UNC5D: variants seen among roughly 807,000 people sequenced by gnomAD.
The protein encoded by UNC5D is unc-5 netrin receptor D, also known as netrin receptor UNC5D.
UNC5D carries 39 observed loss-of-function variants against 105.4 expected under a neutral mutation model. The observed-to-expected ratio is 0.37, with a 90% CI of 0.29 to 0.48. The LOEUF (loss-of-function observed/expected upper bound fraction) is 0.48, where lower values mean the gene tolerates loss of function less well. UNC5D is among the 20% of genes least tolerant of loss of function. The pLI, the probability that UNC5D is intolerant of heterozygous loss-of-function variation, is 0.98. For missense variants in UNC5D, 991 were observed against 1,202.4 expected (o/e 0.82, Z 2.60); for synonymous variants, 452 against 450.4 (o/e 1.00, Z -0.04).
intron 1 of UNC5D, among the ~76,000 whole-genome samples, chr8:35,390,985 TG>T (rs1803734552): frequency 2.0e-5 from 3 of 152,232 alleles, no homozygotes; most frequent in Admixed American, 2.0e-4. Flanking sequence ...GGAGCTTTCT[TG>T]TTTTGTATGC....
At chr8:35,607,097 T>A (rs932028895) in intron 4 of UNC5D, among the ~76,000 whole-genome samples, 11 of 152,156 alleles carry the variant, frequency 7.2e-5, no homozygotes, top group African/African-American at 1.9e-4. Context: ...CTGAGGGTGC[T>A]TTTCAGCTGT....
intron 4 of UNC5D, among the ~76,000 whole-genome samples, chr8:35,679,036 C>G (rs1825475193): frequency 6.6e-6 from 1 of 151,956 alleles, no homozygotes; most frequent in South Asian, 2.1e-4. Context: ...ATTGCTTGAG[C>G]CCAGGAGTTC....
intron 1 of UNC5D, among the ~76,000 whole-genome samples, chr8:35,305,794 T>C (rs1487348570): frequency 6.7e-6 from 1 of 150,222 alleles, no homozygotes; most frequent in Non-Finnish European, 1.5e-5. Context: ...CTTTCTTTCT[T>C]TCTCTCTTTT....
intron 4 of UNC5D, among the ~76,000 whole-genome samples, chr8:35,662,644 A>G (rs954149039): frequency 2.6e-5 from 4 of 152,220 alleles, no homozygotes; most frequent in Admixed American, 6.5e-5. Context: ...ACATTTTTCC[A>G]TGAGCAAATC....
chr8:35,750,680 C>T lies in UNC5D; in HGVS notation c.2034C>T (p.Leu678=), dbSNP rs776606049. 13 of 1,614,140 alleles carry T rather than the reference C, an allele frequency of 8.1e-6. No homozygotes were observed. The South Asian group carries it at 1.2e-4, about 15-fold the overall frequency. ...TGGACAGCTTTGGGACCTATGCGCT[C>T]ACTGGAGAGCCAATCACAGACTGTG... The part of the protein sequence containing the change: ...VLLDSFGTYA[L]TGEPITDCAV... The change falls in exon 13 of 17, where the codon CTC becomes CTT. Residue 678 remains leucine (L), a synonymous_variant. Coordinates refer to ENST00000404895, the MANE Select transcript of UNC5D (RefSeq NM_080872.4).
intron 4 of UNC5D, among the ~76,000 whole-genome samples, chr8:35,615,041 C>G (rs868560169): frequency 0.014 from 1,662 of 122,436 alleles, 139 homozygotes; most frequent in African/African-American, 0.046. Context: ...GAGGGGCCCC[C>G]CCCCCCCCGT....
Position 35,519,178 on chromosome 8 carries a change from T to C in UNC5D, c.104-30114T>C, listed in dbSNP as rs188019625. ...CTCTTTTAGGTCATTTGTATAGTTC[T>C]AATCAATTCTTTTTCAGATTTATCT... On this transcript the variant is annotated intron_variant, in intron 1 of 16. Transcript: ENST00000404895. 1.8e-3 allele frequency among the ~76,000 whole-genome samples: 277 copies of C among 152,292 alleles called. 2 individuals are homozygous for C. Among genetic ancestry groups the C allele is most frequent in the Admixed American group, 5.5e-3 (84 of 15,294 alleles).
In UNC5D at chr8:35,240,234, A is replaced by T. The variant is rs7827104; in HGVS notation, c.103+4347A>T. Reference sequence around the variant, plus strand: ...CAAAGTGCTAGGATTACAGGTATGAACCACCACATCTGGCCTCACCCCTTT... The same window carrying T: ...CAAAGTGCTAGGATTACAGGTATGATCCACCACATCTGGCCTCACCCCTTT... On this transcript the variant is annotated intron_variant, in intron 1 of 16. Coordinates refer to ENST00000404895, the MANE Select transcript of UNC5D (RefSeq NM_080872.4). Among the ~76,000 whole-genome samples the T allele has an allele frequency of 7.0e-3, 1,067 of 152,218 alleles. 15 individuals carry two copies. Among genetic ancestry groups the T allele is most frequent in the African/African-American group, 0.025 (1,039 of 41,538 alleles).
chr8:35,585,326 T>C (rs1196064736), intron 3 of UNC5D, among the ~76,000 whole-genome samples: 2 of 152,158 alleles, frequency 1.3e-5, no homozygotes, highest in Non-Finnish European at 2.9e-5. Context: ...CACCCTGCTG[T>C]CCCAGTAAGC....
intron 1 of UNC5D, among the ~76,000 whole-genome samples, chr8:35,488,298 A>T (rs1255814771): frequency 6.6e-6 from 1 of 152,200 alleles, no homozygotes; most frequent in Non-Finnish European, 1.5e-5. Context: ...GGACAAAATG[A>T]AGGAAGACTG....
Position 35,726,212 on chromosome 8 carries a change from G to A in UNC5D, c.1364G>A (p.Ser455Asn). 1.9e-6 allele frequency: 3 copies of A among 1,614,132 alleles called. No individual in the cohort carries two copies. Among genetic ancestry groups the A allele is most frequent in the Non-Finnish European group, 2.5e-6 (3 of 1,180,006 alleles). The change falls in exon 10 of 17, where the codon AGC becomes AAC. Residue 455 changes from serine to asparagine, a missense_variant. This residue lies in a region of UNC5D where 944 missense variants were observed against 1,131.6 expected (regional missense o/e 0.83). Transcript: ENST00000404895. ...QPDLTVSRTY[S>N]GPICLQDPLD... ...GATCTGACAGTGAGCCGGACATACA[G>A]CGGACCCATCTGTCTGCAGGACCCT...
chr8:35,391,756 C>A (rs187353991), intron 1 of UNC5D, among the ~76,000 whole-genome samples: 1 of 152,034 alleles, frequency 6.6e-6, no homozygotes, highest in African/African-American at 2.4e-5. Flanking sequence ...GGGCAAGTCT[C>A]GCAAAGTGAG....
intron 1 of UNC5D, among the ~76,000 whole-genome samples, chr8:35,482,791 A>ATTTTTT (rs1399256412): frequency 1.0e-5 from 1 of 98,886 alleles, no homozygotes; most frequent in Non-Finnish European, 1.9e-5. Context: ...CATTAAAGAG[A>ATTTTTT]TCTTTTTTTT....
chr8:35,682,226 G>A (rs549393429), intron 4 of UNC5D, among the ~76,000 whole-genome samples: 12 of 152,296 alleles, frequency 7.9e-5, no homozygotes, highest in African/African-American at 2.2e-4. Context: ...GCCTCTCAAC[G>A]TGCTGGGATT....
At chr8:35,417,492 A>G (rs1239615648) in intron 1 of UNC5D, among the ~76,000 whole-genome samples, 1 of 151,774 alleles carries the variant, frequency 6.6e-6, no homozygotes, top group African/African-American at 2.4e-5. Flanking sequence ...GGCTGTACAG[A>G]TGATTTATTT....
intron 13 of UNC5D, 55 bp downstream of exon 13, chr8:35,750,864 A>G (rs1830249289): frequency 6.2e-7 from 1 of 1,601,838 alleles, no homozygotes; most frequent in African/African-American, 1.3e-5. Context: ...TGTGTTTTCC[A>G]AAAGATCAGT....
intron 4 of UNC5D, among the ~76,000 whole-genome samples, chr8:35,629,590 G>A (rs921002581): frequency 6.6e-6 from 1 of 152,044 alleles, no homozygotes; most frequent in Non-Finnish European, 1.5e-5. Context: ...TCGATTCGGT[G>A]CAGTGTTCAA....
intron 1 of UNC5D, among the ~76,000 whole-genome samples, chr8:35,422,967 G>A (rs1806013237): frequency 2.0e-5 from 3 of 152,174 alleles, no homozygotes; most frequent in Admixed American, 2.0e-4. Flanking sequence ...GCCTCCACAA[G>A]TTTCAGTGAC....
chr8:35,650,391 A>G (rs1440341807), intron 4 of UNC5D, among the ~76,000 whole-genome samples: 1 of 152,168 alleles, frequency 6.6e-6, no homozygotes, highest in Non-Finnish European at 1.5e-5. Flanking sequence ...ACCAAGCAGG[A>G]GTATTTTACT....
Sources: gnomAD v4.1 joint callset for allele counts (sites outside exome capture counted in the v4.1 genomes callset) on GRCh38, gnomAD v4.1.1 for gene constraint, gnomAD v4.1.1 regional missense constraint, MANE v1.5 for transcripts, NCBI Gene and HGNC (gene_info 2026-07-23, HGNC 2026-07-21) for gene names.